Variants in LRP2 observed in about 807,000 individuals in gnomAD.
LRP2 encodes LDL receptor related protein 2.
LRP2 carries 172 observed loss-of-function variants against 531.0 expected under a neutral mutation model. The observed-to-expected ratio is 0.32, with a 90% CI of 0.29 to 0.37. The LOEUF is 0.37. Ranked by LOEUF, LRP2 falls within the 10% of genes least tolerant of loss-of-function variation. The probability of loss-of-function intolerance (pLI) is 1.00; values close to 1 mark genes in which losing one functional copy is unlikely to be tolerated. For synonymous variants in LRP2, 1,992 were observed against 2,027.6 expected (o/e 0.98, Z 0.47); for missense variants, 5,167 against 5,868.3 (o/e 0.88, Z 3.90).
intron 1 of LRP2, among the ~76,000 whole-genome samples, chr2:169,344,986 A>G (rs1685660174): frequency 6.6e-6 from 1 of 152,156 alleles, no homozygotes; most frequent in African/African-American, 2.4e-5. Context: ...TAAATCAGAA[A>G]ATAGCCTTTA....
Position 169,193,843 on chromosome 2 carries a change from C to G in LRP2, c.8748G>C (p.Gly2916=). Reference sequence around the variant, plus strand: ...AGATCCATTCGCTTGGGATGCACCTCCCACCATCACACTTGAACTCATCAG... The same window carrying G: ...AGATCCATTCGCTTGGGATGCACCTGCCACCATCACACTTGAACTCATCAG... The part of the protein sequence containing the change: ...CLADEFKCDG[G]RCIPSEWICD... Residue 2916 remains glycine, a synonymous_variant, in exon 47 of 79, where the codon GGG becomes GGC. Coordinates refer to ENST00000649046, the MANE Select transcript of LRP2 (RefSeq NM_004525.3). The G allele has an allele frequency of 6.2e-7, 1 of 1,614,160 alleles. No homozygotes were observed. The highest frequency in any genetic ancestry group is 8.5e-7 in the Non-Finnish European group (1 of 1,180,016).
At chr2:169,305,621 G>A (rs189843500) in intron 4 of LRP2, among the ~76,000 whole-genome samples, 202 of 152,118 alleles carry the variant, frequency 1.3e-3, no homozygotes, top group African/African-American at 4.5e-3. Flanking sequence ...AGATTTCTAA[G>A]GTACACAAAA....
chr2:169,325,306 G>A (rs1685020051), intron 1 of LRP2, among the ~76,000 whole-genome samples: 2 of 152,074 alleles, frequency 1.3e-5, no homozygotes, highest in Admixed American at 1.3e-4. Context: ...TACCTGAGGA[G>A]GTACAGTCCT....
At chr2:169,300,054 GAATTA>G (rs1282457333) in intron 4 of LRP2, among the ~76,000 whole-genome samples, 2 of 152,052 alleles carry the variant, frequency 1.3e-5, no homozygotes, top group East Asian at 3.9e-4. Flanking sequence ...ACTGTGCTAA[GAATTA>G]AATTAAAAGG....
intron 58 of LRP2, 118 bp downstream of exon 58, chr2:169,171,897 A>G (rs1177144565): frequency 8.0e-7 from 1 of 1,250,914 alleles, no homozygotes; most frequent in Non-Finnish European, 1.2e-6. Context: ...AAGAGATCAG[A>G]CAGCTTGATA....
intron 16 of LRP2, among the ~76,000 whole-genome samples, chr2:169,269,049 A>T (rs530829588): frequency 1.5e-3 from 225 of 152,326 alleles, no homozygotes; most frequent in African/African-American, 4.8e-3. Context: ...CTTACAAGGG[A>T]TGTGAAGGAC....
At chr2:169,215,174 G>T in intron 35 of LRP2, among the ~76,000 whole-genome samples, 1 of 152,106 alleles carries the variant, frequency 6.6e-6, no homozygotes, top group East Asian at 1.9e-4. Flanking sequence ...ACCATTATAG[G>T]TCCATATTCG....
In LRP2 at chr2:169,257,160, G is replaced by C. The variant is rs150752263; in HGVS notation, c.2603C>G (p.Thr868Ser). Residue 868 changes from threonine to serine, a missense_variant, in exon 18 of 79, where the codon ACT (threonine) becomes AGT (serine). Transcript: ENST00000649046. Reference sequence around the variant, plus strand: ...GGCCAAGCCATTGGGCCATCCAAGAGTAGTGTTTATTACAGGCAAGAGGTG... The same window carrying C: ...GGCCAAGCCATTGGGCCATCCAAGACTAGTGTTTATTACAGGCAAGAGGTG... ...GSHLLPVINT[T>S]LGWPNGLAID... is the part of the protein sequence containing the mutation. 1,223 of 1,612,936 alleles carry C rather than the reference G, an allele frequency of 7.6e-4. No homozygotes were observed. Among genetic ancestry groups the C allele is most frequent in the African/African-American group, 6.3e-3 (471 of 74,978 alleles).
intron 54 of LRP2, among the ~76,000 whole-genome samples, chr2:169,176,196 A>C (rs1687187041): frequency 6.6e-6 from 1 of 152,246 alleles, no homozygotes; most frequent in African/African-American, 2.4e-5. Context: ...GAAAGTTTGC[A>C]TATATAGGCA....
chr2:169,173,756 C>T (rs578079871), intron 56 of LRP2, among the ~76,000 whole-genome samples, 163 bp downstream of exon 56: 2 of 152,354 alleles, frequency 1.3e-5, no homozygotes, highest in Admixed American at 1.3e-4. Flanking sequence ...CTGCAAGCCA[C>T]ACAGCTATAC....
At chr2:169,354,882 G>A (rs901602516) in intron 1 of LRP2, among the ~76,000 whole-genome samples, 2 of 152,210 alleles carry the variant, frequency 1.3e-5, no homozygotes, top group African/African-American at 4.8e-5. Flanking sequence ...ATCTTAACCT[G>A]TCTGCAAACT....
chr2:169,300,951 GT>G (rs1361506642), intron 4 of LRP2, among the ~76,000 whole-genome samples: 1 of 152,050 alleles, frequency 6.6e-6, no homozygotes, highest in Non-Finnish European at 1.5e-5. Flanking sequence ...AGTTTCAGCA[GT>G]TAAAGATATA....
intron 31 of LRP2, among the ~76,000 whole-genome samples, chr2:169,231,398 T>G (rs1292261990): frequency 6.6e-6 from 1 of 152,148 alleles, no homozygotes; most frequent in Non-Finnish European, 1.5e-5. Flanking sequence ...GAATGTTTAC[T>G]TCTTAGGTGA....
At position 169,334,647 on chromosome 2, in the gene LRP2, T is replaced by G. The variant is rs549615330; in HGVS notation, c.80-13763A>C. 2.6e-5 allele frequency among the ~76,000 whole-genome samples: 4 copies of G among 152,240 alleles called. No homozygotes were observed. The South Asian group carries it at 8.3e-4, about 32-fold the overall frequency. On this transcript the variant is annotated intron_variant, in intron 1 of 78. Coordinates refer to ENST00000649046, the MANE Select transcript of LRP2 (RefSeq NM_004525.3). Reference sequence around the variant, plus strand: ...ACTCTGGCAAAGCACTGACTGTCCCTGTGTCATTCCAAACTCTAAGTTCCA... The same window carrying G: ...ACTCTGGCAAAGCACTGACTGTCCCGGTGTCATTCCAAACTCTAAGTTCCA...
rs764344040 is a variant in LRP2, at chr2:169,226,542, T to C, written c.5274A>G (p.Gly1758=). ...TCTTCACCTCAGGATTAAGGGAGAT[T>C]CCAAAAATTATATGTTGCCTTACAG... The part of the protein sequence containing the change: ...LITVRQHIIF[G]ISLNPEVKSN... Residue 1758 remains glycine, a synonymous_variant, in exon 32 of 79, where the codon GGA becomes GGG. Transcript: ENST00000649046. 2.9e-5 allele frequency: 46 copies of C among 1,612,982 alleles called. No individual in the cohort carries two copies. Among genetic ancestry groups the C allele is most frequent in the Non-Finnish European group, 3.7e-5 (44 of 1,179,248 alleles).
At chr2:169,230,480 A>G (rs1689358988) in intron 31 of LRP2, among the ~76,000 whole-genome samples, 1 of 152,212 alleles carries the variant, frequency 6.6e-6, no homozygotes, top group Non-Finnish European at 1.5e-5. Flanking sequence ...AATTCAGTAT[A>G]TATTTTCCAT....
In LRP2 at chr2:169,212,135, C is replaced by T; in HGVS notation, c.6113G>A (p.Gly2038Glu). The change falls in exon 37 of 79, where the codon GGA (glycine) becomes GAA (glutamate). Residue 2038 changes from glycine to glutamate, a missense_variant. Coordinates refer to ENST00000649046, the MANE Select transcript of LRP2 (RefSeq NM_004525.3). ...ACQQICLPVPGGLFSCACATG... is the reference protein window; with the variant it reads ...ACQQICLPVPEGLFSCACATG... ...GGCACAGGCGCAGGAAAACAATCCT[C>T]CTGGTACAGGCAGGCAAATCTGCTG... 1 of 1,614,032 alleles carries T rather than the reference C, an allele frequency of 6.2e-7. No homozygotes were observed. The highest frequency in any genetic ancestry group is 8.5e-7 in the Non-Finnish European group (1 of 1,179,928).
intron 11 of LRP2, 43 bp downstream of exon 11, chr2:169,280,307 T>G (rs1475991834): frequency 8.1e-6 from 13 of 1,610,898 alleles, no homozygotes; most frequent in Non-Finnish European, 1.1e-5. Context: ...CTATCAACAC[T>G]TTGTGCTCAG....
chr2:169,227,823 AT>A (rs2105363610), intron 31 of LRP2, among the ~76,000 whole-genome samples: 1 of 152,260 alleles, frequency 6.6e-6, no homozygotes, highest in Admixed American at 6.5e-5. Context: ...AATGCTTTAC[AT>A]TTTTCAAGTA....
Sources: gnomAD v4.1 joint callset for allele counts (sites outside exome capture counted in the v4.1 genomes callset) on GRCh38, gnomAD v4.1.1 for gene constraint, MANE v1.5 for transcripts, NCBI Gene and HGNC (gene_info 2026-07-23, HGNC 2026-07-21) for gene names.